Variants in PCDHA2 observed in about 807,000 individuals in gnomAD.
PCDHA2 encodes the protein protocadherin alpha 2, also known as protocadherin alpha-2.
PCDHA2 carries 58 observed loss-of-function variants against 66.0 expected under a neutral mutation model. That is an observed-to-expected ratio of 0.88 (90% CI 0.71 to 1.09). PCDHA2 has a LOEUF of 1.09. PCDHA2 is among the 50% of genes least tolerant of loss of function. The probability of loss-of-function intolerance (pLI) is 0.00; values close to 1 mark genes in which losing one functional copy is unlikely to be tolerated. For missense variants in PCDHA2, 1,267 were observed against 1,242.3 expected, an observed-to-expected ratio of 1.02 and a Z score of -0.30; for synonymous variants, 634 against 554.0, an observed-to-expected ratio of 1.14 and a Z score of -2.03.
At chr5:140,856,040 A>T (rs374986437) in intron 1 of PCDHA2, 4 of 1,569,320 alleles carry the variant, frequency 2.5e-6, no homozygotes, top group Non-Finnish European at 3.5e-6. Flanking sequence ...AAAACAAGAG[A>T]AGGATAAGAT....
Position 140,794,873 on chromosome 5 carries a change from A to G in PCDHA2, c.-92A>G. On this transcript the variant is annotated 5_prime_UTR_variant, in exon 1 of 4. It adds an upstream start codon to the 5' untranslated region. Transcript: ENST00000526136. The stretch of plus-strand genomic sequence containing the variant: ...TGTTACTTCAGAGAAGCGGAGGAAT[A>G]AGAGAAGCAGCAGGACTTTAACAGA... The G allele has an allele frequency of 7.4e-7, 1 of 1,358,584 alleles. No homozygotes were observed. Among genetic ancestry groups the G allele is most frequent in the Non-Finnish European group, 1.0e-6 (1 of 991,912 alleles). The allele number at this position is 1,358,584 out of a possible 1,614,324, so 84.2% of individuals were successfully genotyped here.
intron 1 of PCDHA2, among the ~76,000 whole-genome samples, chr5:140,838,786 G>C (rs1554137197): frequency 6.6e-6 from 1 of 151,962 alleles, no homozygotes; most frequent in African/African-American, 2.4e-5. Context: ...GCTATGCATG[G>C]TGATGCATGT....
chr5:140,953,187 T>A (rs2094856489), intron 1 of PCDHA2, among the ~76,000 whole-genome samples: 1 of 152,148 alleles, frequency 6.6e-6, no homozygotes, highest in South Asian at 2.1e-4. Flanking sequence ...AGAATAAACT[T>A]GATTAGACTA....
intron 1 of PCDHA2, among the ~76,000 whole-genome samples, chr5:140,938,910 C>T (rs1467187970): frequency 6.6e-6 from 1 of 152,012 alleles, no homozygotes; most frequent in African/African-American, 2.4e-5. Context: ...CACACACACA[C>T]GCACAAGAAA....
At chr5:140,943,157 C>T (rs2093427609) in intron 1 of PCDHA2, among the ~76,000 whole-genome samples, 1 of 148,876 alleles carries the variant, frequency 6.7e-6, no homozygotes, top group South Asian at 2.1e-4. Context: ...ACTCTGGAGG[C>T]TGAGGCAGGA....
chr5:140,917,491 C>G (rs2078223929), intron 1 of PCDHA2, among the ~76,000 whole-genome samples: 1 of 152,172 alleles, frequency 6.6e-6, no homozygotes, highest in Non-Finnish European at 1.5e-5. Flanking sequence ...GGGCCTATGC[C>G]CAGAATGATA....
intron 1 of PCDHA2, chr5:140,829,804 T>A (rs2150175080): frequency 1.2e-6 from 2 of 1,613,624 alleles, no homozygotes; most frequent in African/African-American, 2.7e-5. Context: ...CTCGGGTGGG[T>A]GGTACTGGTG....
chr5:140,852,052 A>G, intron 1 of PCDHA2: 1 of 915,096 alleles, frequency 1.1e-6, no homozygotes, highest in Non-Finnish European at 1.3e-6. Flanking sequence ...TATGTGGTTT[A>G]TATTTTTCTT....
chr5:140,898,673 G>A (rs1378652105), intron 1 of PCDHA2, among the ~76,000 whole-genome samples: 1 of 152,170 alleles, frequency 6.6e-6, no homozygotes, highest in Non-Finnish European at 1.5e-5. Flanking sequence ...GGTGTTGCGG[G>A]CTGTTTTTTG....
At chr5:140,912,578 A>G (rs2075983045) in intron 1 of PCDHA2, among the ~76,000 whole-genome samples, 1 of 152,052 alleles carries the variant, frequency 6.6e-6, no homozygotes, top group Admixed American at 6.5e-5. Context: ...CCTCTTTTCC[A>G]ATTTGGATGC....
At chr5:140,853,934 C>A in intron 1 of PCDHA2, 1 of 864,496 alleles carries the variant, frequency 1.2e-6, no homozygotes, top group Non-Finnish European at 1.4e-6. Flanking sequence ...TTTGGGAGGC[C>A]AAGGTGGGAG....
At chr5:140,824,160 C>T (rs1554129772) in intron 1 of PCDHA2, 4 of 1,611,272 alleles carry the variant, frequency 2.5e-6, no homozygotes, top group African/African-American at 2.7e-5. Context: ...CCATCTTTCC[C>T]TCCCAATTTT....
At chr5:140,851,465 C>A in intron 1 of PCDHA2, 1 of 894,660 alleles carries the variant, frequency 1.1e-6, no homozygotes, top group Non-Finnish European at 1.4e-6. Flanking sequence ...CAAATTATGT[C>A]AATAAATGTT....
chr5:140,893,853 G>C (rs1395145943), intron 1 of PCDHA2, among the ~76,000 whole-genome samples: 1 of 152,050 alleles, frequency 6.6e-6, no homozygotes. Context: ...CCTACCTCTT[G>C]TATAGAAACA....
chr5:140,796,737 G>A lies in PCDHA2; in HGVS notation c.1773G>A (p.Val591=). The change falls in exon 1 of 4, where the codon GTG becomes GTA. Residue 591 remains valine (V), a synonymous_variant. Transcript: ENST00000526136. Reference sequence around the variant, plus strand: ...GGTCGGTGGGTGCAGGGCACGTGGTGGCGAAGGTGCGCGCAGTGGACGCTG... The same window carrying A: ...GGTCGGTGGGTGCAGGGCACGTGGTAGCGAAGGTGCGCGCAGTGGACGCTG... The part of the protein sequence containing the change: ...VPWSVGAGHV[V]AKVRAVDADS... The A allele has an allele frequency of 9.3e-6, 15 of 1,614,094 alleles. No homozygotes were observed. Among genetic ancestry groups the A allele is most frequent in the Non-Finnish European group, 1.3e-5 (15 of 1,179,960 alleles).
At chr5:140,967,207 T>G (rs376266648) in intron 1 of PCDHA2, 16 of 1,613,648 alleles carry the variant, frequency 9.9e-6, no homozygotes, top group Non-Finnish European at 1.1e-5. Flanking sequence ...ACTCACCGCG[T>G]TTCCCGCGGC....
Position 140,843,942 on chromosome 5 carries a change from A to C in PCDHA2, c.2388+46590A>C, listed in dbSNP as rs1779153148. On this transcript the variant is annotated intron_variant, in intron 1 of 3. Transcript: ENST00000526136. ...TTGAAACTCAAGTTATGGTTGGATG[A>C]TATCCATTTTTTACTGAATATTTAT... 11 of 569,722 alleles carry C rather than the reference A, an allele frequency of 1.9e-5. 1 individual carries two copies. The East Asian group carries it at 3.2e-4, about 17-fold the overall frequency. 35.3% of individuals were successfully genotyped at this position (569,722 alleles called of 1,614,324 possible).
At chr5:140,829,172 G>A (rs2150163481) in intron 1 of PCDHA2, 2 of 1,614,134 alleles carry the variant, frequency 1.2e-6, no homozygotes, top group East Asian at 4.5e-5. Context: ...GCCTGTACGT[G>A]AAGACGCTCA....
intron 1 of PCDHA2, among the ~76,000 whole-genome samples, chr5:140,962,568 A>G (rs915587591): frequency 6.6e-6 from 1 of 152,222 alleles, no homozygotes; most frequent in Non-Finnish European, 1.5e-5. Context: ...CTAAAAGCCA[A>G]TTGTTAATGC....
Sources: gnomAD v4.1 joint callset for allele counts (sites outside exome capture counted in the v4.1 genomes callset) on GRCh38, gnomAD v4.1.1 for gene constraint, MANE v1.5 for transcripts, NCBI Gene and HGNC (gene_info 2026-07-23, HGNC 2026-07-21) for gene names.